The following RPS6KA5 variants were observed in gnomAD, a reference collection of about 807,000 sequenced individuals.
RPS6KA5 encodes ribosomal protein S6 kinase A5.
In RPS6KA5, 27 loss-of-function variants were observed where a neutral mutation model predicts 85.5. The observed-to-expected ratio is 0.32, with a 90% confidence interval of 0.23 to 0.44. The LOEUF (loss-of-function observed/expected upper bound fraction) is 0.44, where lower values mean the gene tolerates loss of function less well. Among genes scored for constraint, RPS6KA5 ranks in the 20% least tolerant of loss-of-function variants. The probability of loss-of-function intolerance (pLI) is 1.00; values close to 1 mark genes in which losing one functional copy is unlikely to be tolerated. For synonymous variants in RPS6KA5, 334 were observed against 348.2 expected (o/e 0.96, Z 0.46); for missense variants, 811 against 980.9 (o/e 0.83, Z 2.31).
chr14:90,999,509 G>A (rs1351312176), intron 2 of RPS6KA5, among the ~76,000 whole-genome samples: 1 of 152,146 alleles, frequency 6.6e-6, no homozygotes, highest in East Asian at 1.9e-4. Context: ...ATGGGGAGGA[G>A]GAGGGGGAGG....
rs1197487303 is a variant in RPS6KA5 at position 90,872,138 on chromosome 14, G to T, written c.2345C>A (p.Pro782His). The change falls in exon 17 of 17, where the codon CCC (proline) becomes CAC (histidine). Residue 782 changes from proline (P) to histidine (H), a missense_variant. This residue lies in a region of RPS6KA5 where 650 missense variants were observed against 793.4 expected (regional missense o/e 0.82). Coordinates refer to ENST00000614987, the MANE Select transcript of RPS6KA5 (RefSeq NM_004755.4). Reference protein sequence around the residue: ...GKTTPTKTLQPSNPADSNNPE... With the variant: ...GKTTPTKTLQHSNPADSNNPE... Reference sequence around the variant, plus strand: ...GTTATTGCTGTCGGCAGGATTGCTGGGCTGCAGTGTCTTGGTGGGTGTAGT... The same window carrying T: ...GTTATTGCTGTCGGCAGGATTGCTGTGCTGCAGTGTCTTGGTGGGTGTAGT... The T allele has an allele frequency of 6.2e-7, 1 of 1,613,944 alleles. No individual in the cohort carries two copies.
intron 2 of RPS6KA5, 43 bp from the exon 3 acceptor site, chr14:90,978,567 C>T: frequency 6.9e-7 from 1 of 1,444,274 alleles, no homozygotes; most frequent in Non-Finnish European, 9.4e-7. Flanking sequence ...AAATGCTACA[C>T]AGGCAAAATG....
At chr14:90,926,249 T>G (rs990761906) in intron 5 of RPS6KA5, among the ~76,000 whole-genome samples, 1 of 150,794 alleles carries the variant, frequency 6.6e-6, no homozygotes, top group African/African-American at 2.4e-5. Flanking sequence ...CTACTAAAAA[T>G]GCATGGTGGC....
chr14:90,977,703 T>A (rs2140477303), intron 3 of RPS6KA5, among the ~76,000 whole-genome samples: 1 of 152,320 alleles, frequency 6.6e-6, no homozygotes, highest in African/African-American at 2.4e-5. Flanking sequence ...CACATTTGAA[T>A]GGAAGCATAC....
At chr14:91,025,843 T>C (rs1215828269) in intron 1 of RPS6KA5, among the ~76,000 whole-genome samples, 2 of 151,418 alleles carry the variant, frequency 1.3e-5, no homozygotes, top group Non-Finnish European at 2.9e-5. Context: ...ATTTATATAA[T>C]GTGAAATTTT....
chr14:90,864,887 AACT>A lies in RPS6KA5; in HGVS notation c.*7184_*7186del, dbSNP rs1235068927. 11 of 152,352 alleles carry A rather than the reference AACT, an allele frequency of 7.2e-5. No homozygotes were observed. Among genetic ancestry groups the A allele is most frequent in the Middle Eastern group, 3.4e-3 (1 of 294 alleles). The allele number at this position is 152,352 out of a possible 1,614,324, so 9.4% of individuals were successfully genotyped here. A position where few individuals can be genotyped will look rare whatever the true frequency, so the allele number is the denominator to read the frequency against. ...ATATACACATTTGTCAGAGTGGCTA[AACT>A]ACTAGGGCTGATGGTACCAAGCACT... On this transcript the variant is annotated 3_prime_UTR_variant, in exon 17 of 17. Coordinates refer to ENST00000614987, the MANE Select transcript of RPS6KA5 (RefSeq NM_004755.4).
At chr14:91,030,641 G>GAAAAAAAAAAAAAAAAAAAAAAA (rs2042153309) in intron 1 of RPS6KA5, among the ~76,000 whole-genome samples, 1 of 63,326 alleles carries the variant, frequency 1.6e-5, no homozygotes, top group East Asian at 5.5e-4. Context: ...AAAAAAAAAG[G>GAAAAAAAAAAAAAAAAAAAAAAA]AAGTTCAGAA....
chr14:90,889,746 T>C (rs551409628), intron 14 of RPS6KA5, among the ~76,000 whole-genome samples: 31 of 152,136 alleles, frequency 2.0e-4, no homozygotes, highest in African/African-American at 7.0e-4. Flanking sequence ...TATACATGTA[T>C]AGAAAACATG....
intron 5 of RPS6KA5, among the ~76,000 whole-genome samples, chr14:90,928,756 G>GA (rs1207368440): frequency 7.1e-6 from 1 of 140,576 alleles, no homozygotes; most frequent in African/African-American, 2.6e-5. Flanking sequence ...AAAAAAAAAG[G>GA]AAAAAAACAC....
chr14:90,983,821 C>CTG (rs2039930605), intron 2 of RPS6KA5, among the ~76,000 whole-genome samples: 10 of 135,062 alleles, frequency 7.4e-5, no homozygotes, highest in Middle Eastern at 3.6e-3. Flanking sequence ...CTCTCTGTCT[C>CTG]TCTCTCTCTC....
Position 90,985,683 on chromosome 14 carries a change from C to T in RPS6KA5, c.176-7159G>A, listed in dbSNP as rs558886159. Among the ~76,000 whole-genome samples the T allele has an allele frequency of 5.3e-5, 8 of 152,268 alleles. No individual in the cohort carries two copies. The East Asian group carries it at 1.5e-3, about 29-fold the overall frequency. Reference sequence around the variant, plus strand: ...TGCTCTTAAGTGACTTATACTTAGCCAGCTCCTAAGACCAACTTAGTCTTA... The same window carrying T: ...TGCTCTTAAGTGACTTATACTTAGCTAGCTCCTAAGACCAACTTAGTCTTA... On this transcript the variant is annotated intron_variant, in intron 2 of 16. Coordinates refer to ENST00000614987, the MANE Select transcript of RPS6KA5 (RefSeq NM_004755.4).
chr14:91,057,305 C>A (rs912124556), intron 1 of RPS6KA5, among the ~76,000 whole-genome samples: 7 of 152,126 alleles, frequency 4.6e-5, no homozygotes, highest in African/African-American at 1.4e-4. Flanking sequence ...ACTTATCAAC[C>A]ACCTAACATC....
At chr14:90,987,098 T>C (rs2040086909) in intron 2 of RPS6KA5, among the ~76,000 whole-genome samples, 2 of 152,208 alleles carry the variant, frequency 1.3e-5, no homozygotes, top group South Asian at 4.1e-4. Flanking sequence ...ATCACAAACA[T>C]TTAACCTCTA....
intron 3 of RPS6KA5, among the ~76,000 whole-genome samples, chr14:90,973,490 C>T (rs896751667): frequency 1.1e-4 from 16 of 151,688 alleles, no homozygotes; most frequent in African/African-American, 3.4e-4. Flanking sequence ...CCAGCAATCT[C>T]CCTTCATCAA....
chr14:90,937,242 C>G (rs775611885), intron 5 of RPS6KA5, among the ~76,000 whole-genome samples: 28 of 151,982 alleles, frequency 1.8e-4, no homozygotes, highest in Non-Finnish European at 3.2e-4. Context: ...TCAATGGTAA[C>G]ATTGGCAAGA....
Position 91,011,485 on chromosome 14 carries a change from A to C in RPS6KA5, c.104-10326T>G, listed in dbSNP as rs72697551. 4.8e-3 allele frequency among the ~76,000 whole-genome samples: 721 copies of C among 151,294 alleles called. 5 individuals carry two copies. The highest frequency in any genetic ancestry group is 7.8e-3 in the Non-Finnish European group (526 of 67,718). ...TGAAGACAGAGTAAAACTCTGTCCC[A>C]AAAAAAAAGAAAAGAAAACTAAAAA... is the stretch of plus-strand genomic sequence containing the variant. On this transcript the variant is annotated intron_variant, in intron 1 of 16. Transcript: ENST00000614987.
intron 1 of RPS6KA5, among the ~76,000 whole-genome samples, chr14:91,010,696 G>T (rs1470886611): frequency 6.6e-6 from 1 of 152,142 alleles, no homozygotes; most frequent in East Asian, 1.9e-4. Flanking sequence ...TAATGAAAAG[G>T]AATACAGGGG....
chr14:90,879,250 G>A (rs561762125), intron 14 of RPS6KA5, among the ~76,000 whole-genome samples: 6 of 151,070 alleles, frequency 4.0e-5, no homozygotes, highest in East Asian at 3.9e-4. Context: ...AGTCCAGAAC[G>A]CATGAGTAAA....
intron 1 of RPS6KA5, among the ~76,000 whole-genome samples, chr14:91,036,098 T>TG (rs11432593): frequency 0.51 from 77,812 of 151,700 alleles, 20,336 homozygotes; most frequent in Non-Finnish European, 0.55. Context: ...AAATAGACTG[T>TG]GGGGGGTGCA....
Sources: gnomAD v4.1 joint callset for allele counts (sites outside exome capture counted in the v4.1 genomes callset) on GRCh38, gnomAD v4.1.1 for gene constraint, gnomAD v4.1.1 regional missense constraint, MANE v1.5 for transcripts, NCBI Gene and HGNC (gene_info 2026-07-23, HGNC 2026-07-21) for gene names.